Variants in PCCA observed in about 807,000 individuals in gnomAD.
PCCA encodes the protein propionyl-CoA carboxylase alpha chain, mitochondrial.
PCCA carries 74 observed loss-of-function variants against 101.3 expected under a neutral mutation model. The observed-to-expected ratio is 0.73, with a 90% CI of 0.61 to 0.89. PCCA has a LOEUF of 0.89. PCCA is among the 40% of genes least tolerant of loss of function. The pLI, the probability that PCCA is intolerant of heterozygous loss-of-function variation, is 0.00. For missense variants in PCCA, 891 were observed against 907.0 expected (o/e 0.98, Z 0.23); for synonymous variants, 294 against 313.6 (o/e 0.94, Z 0.66).
chr13:100,307,041 AT>A (rs2066506128), intron 14 of PCCA, 150 bp from the exon 15 acceptor site: 3 of 657,666 alleles, frequency 4.6e-6, no homozygotes, highest in Non-Finnish European at 5.3e-6. Flanking sequence ...ACGGATCAAG[AT>A]TTTAGATTGT....
At chr13:100,508,446 C>T (rs535408272) in intron 21 of PCCA, among the ~76,000 whole-genome samples, 1 of 152,310 alleles carries the variant, frequency 6.6e-6, no homozygotes, top group South Asian at 2.1e-4. Flanking sequence ...AGTAACACAA[C>T]AAAACCTTGA....
At position 100,406,123 on chromosome 13, in the gene PCCA, CAG is replaced by C. The variant is rs560526593; in HGVS notation, c.1747-19509_1747-19508del. 8.5e-5 allele frequency among the ~76,000 whole-genome samples: 13 copies of C among 152,236 alleles called. No homozygotes were observed. The East Asian group carries it at 2.5e-3, about 29-fold the overall frequency. On this transcript the variant is annotated intron_variant, in intron 19 of 23. Transcript: ENST00000376285. ...TAACCCTTTACAGGGACTGCGTAGA[CAG>C]GGGTATGAGGCCATTTTCCCCACTG...
chr13:100,134,374 G>A (rs749540315), intron 4 of PCCA, among the ~76,000 whole-genome samples: 6 of 151,870 alleles, frequency 4.0e-5, no homozygotes, highest in East Asian at 1.9e-4. Flanking sequence ...TGGTTCATTT[G>A]CCTTTTCGTA....
intron 22 of PCCA, among the ~76,000 whole-genome samples, chr13:100,519,035 C>T (rs1337869211): frequency 6.6e-6 from 1 of 152,202 alleles, no homozygotes; most frequent in Admixed American, 6.5e-5. Context: ...ATGATGAGCA[C>T]ATTCGCTTTG....
chr13:100,316,217 G>T (rs2067336963), intron 16 of PCCA, among the ~76,000 whole-genome samples: 1 of 152,104 alleles, frequency 6.6e-6, no homozygotes, highest in South Asian at 2.1e-4. Context: ...ATTTAGTTTT[G>T]CATAGTCATA....
chr13:100,398,498 A>T (rs1476957831), intron 19 of PCCA, among the ~76,000 whole-genome samples: 1 of 152,186 alleles, frequency 6.6e-6, no homozygotes, highest in Non-Finnish European at 1.5e-5. Context: ...TAAAACTTCA[A>T]CAAGAGGAGG....
intron 19 of PCCA, among the ~76,000 whole-genome samples, chr13:100,395,503 C>A (rs1426695204): frequency 6.6e-6 from 1 of 152,124 alleles, no homozygotes; most frequent in African/African-American, 2.4e-5. Context: ...ACGGAAAGGG[C>A]CAATATACAA....
At chr13:100,099,065 A>G (rs2047028364) in intron 1 of PCCA, among the ~76,000 whole-genome samples, 1 of 152,154 alleles carries the variant, frequency 6.6e-6, no homozygotes, top group Non-Finnish European at 1.5e-5. Context: ...ATCATTTTAT[A>G]GCTCCATTAA....
intron 12 of PCCA, among the ~76,000 whole-genome samples, chr13:100,293,812 A>G (rs2065312751): frequency 6.6e-6 from 1 of 152,208 alleles, no homozygotes; most frequent in Non-Finnish European, 1.5e-5. Flanking sequence ...ACCTTAGTAG[A>G]AAATGAAGGA....
intron 20 of PCCA, among the ~76,000 whole-genome samples, chr13:100,428,984 T>C (rs914009331): frequency 6.6e-6 from 1 of 152,142 alleles, no homozygotes; most frequent in African/African-American, 2.4e-5. Context: ...TTTTGGTTTT[T>C]GGCTGCTTTG....
intron 4 of PCCA, among the ~76,000 whole-genome samples, chr13:100,113,124 A>C (rs1376293186): frequency 6.6e-6 from 1 of 152,230 alleles, no homozygotes; most frequent in East Asian, 1.9e-4. Flanking sequence ...TGACCATCAC[A>C]GAATGTACTT....
At chr13:100,211,238 A>T (rs2059193488) in intron 7 of PCCA, among the ~76,000 whole-genome samples, 1 of 152,066 alleles carries the variant, frequency 6.6e-6, no homozygotes, top group Non-Finnish European at 1.5e-5. Context: ...AAGCACCATC[A>T]CCCCTATCAC....
At chr13:100,276,954 A>G (rs1202152800) in intron 12 of PCCA, among the ~76,000 whole-genome samples, 1 of 152,138 alleles carries the variant, frequency 6.6e-6, no homozygotes, top group Non-Finnish European at 1.5e-5. Flanking sequence ...TTGTTATTAT[A>G]CTGTCATATA....
chr13:100,138,387 CA>C (rs1226404855), intron 4 of PCCA, among the ~76,000 whole-genome samples: 2 of 152,170 alleles, frequency 1.3e-5, no homozygotes, highest in Admixed American at 1.3e-4. Context: ...CAGGTATCTA[CA>C]TTCTCTTCTT....
intron 21 of PCCA, among the ~76,000 whole-genome samples, chr13:100,503,956 G>A (rs2085877972): frequency 6.6e-6 from 1 of 152,110 alleles, no homozygotes; most frequent in Non-Finnish European, 1.5e-5. Flanking sequence ...TGTATTTGTA[G>A]TATACATATA....
At chr13:100,117,118 C>A (rs2048867119) in intron 4 of PCCA, among the ~76,000 whole-genome samples, 1 of 152,040 alleles carries the variant, frequency 6.6e-6, no homozygotes, top group South Asian at 2.1e-4. Context: ...TGTTTTCAGT[C>A]CATTTGATTT....
intron 6 of PCCA, among the ~76,000 whole-genome samples, chr13:100,160,312 G>A (rs918959516): frequency 6.6e-6 from 1 of 152,046 alleles, no homozygotes; most frequent in Non-Finnish European, 1.5e-5. Flanking sequence ...AGACCAGCTT[G>A]GACAACATGG....
chr13:100,476,248 A>C (rs1002876910), intron 21 of PCCA, among the ~76,000 whole-genome samples: 1 of 152,234 alleles, frequency 6.6e-6, no homozygotes, highest in Non-Finnish European at 1.5e-5. Flanking sequence ...ACCAACTACT[A>C]ATATTTTTTA....
chr13:100,201,772 G>T (rs546570310), intron 6 of PCCA, among the ~76,000 whole-genome samples: 6 of 141,166 alleles, frequency 4.3e-5, no homozygotes, highest in South Asian at 4.5e-4. Flanking sequence ...CAGGAGAATC[G>T]CTTGAACCCG....
Sources: gnomAD v4.1 joint callset for allele counts (sites outside exome capture counted in the v4.1 genomes callset) on GRCh38, gnomAD v4.1.1 for gene constraint, MANE v1.5 for transcripts, NCBI Gene and HGNC (gene_info 2026-07-23, HGNC 2026-07-21) for gene names.